Variants in TDO2 observed in about 807,000 individuals in gnomAD.
TDO2 encodes the protein tryptophan 2,3-dioxygenase, also known as tryptamin 2,3-dioxygenase.
In TDO2, 63 loss-of-function variants were observed where a neutral mutation model predicts 61.2. The ratio of observed to expected loss-of-function variants is 1.03; its 90% CI spans 0.84 to 1.27. The LOEUF (loss-of-function observed/expected upper bound fraction) is 1.27, where lower values mean the gene tolerates loss of function less well. Among genes scored for constraint, TDO2 ranks in the 50% most tolerant of loss-of-function variants. The probability of loss-of-function intolerance (pLI) is 0.00; values close to 1 mark genes in which losing one functional copy is unlikely to be tolerated. For missense variants in TDO2, 494 were observed against 469.5 expected, an observed-to-expected ratio of 1.05 and a Z score of -0.48; for synonymous variants, 183 against 164.0, an observed-to-expected ratio of 1.12 and a Z score of -0.89.
Position 155,913,417 on chromosome 4 carries a change from C to A in TDO2, c.727-906C>A, listed in dbSNP as rs186412732. 3.3e-3 allele frequency among the ~76,000 whole-genome samples: 496 copies of A among 152,222 alleles called. 3 individuals carry two copies. The highest frequency in any genetic ancestry group is 0.011 in the African/African-American group (476 of 41,542). The stretch of plus-strand genomic sequence containing the variant: ...CTGGGCTTGGAATGTTCTTCCCCAA[C>A]TAACTCCTTCCCACTCTGAAGATCT... On this transcript the variant is annotated intron_variant, in intron 7 of 11. Coordinates refer to ENST00000536354, the MANE Select transcript of TDO2 (RefSeq NM_005651.4).
chr4:155,916,302 G>A (rs1433647814), intron 9 of TDO2, among the ~76,000 whole-genome samples: 1 of 145,844 alleles, frequency 6.9e-6, no homozygotes, highest in Non-Finnish European at 1.5e-5. Context: ...CGAGTAGCTG[G>A]GACTACAGGC....
rs1742850509 is a variant in TDO2, at chr4:155,912,362, A to G, written c.726+758A>G. Among the ~76,000 whole-genome samples the G allele has an allele frequency of 2.6e-5, 4 of 152,194 alleles. No individual in the cohort carries two copies. The South Asian group carries it at 8.3e-4, about 32-fold the overall frequency. On this transcript the variant is annotated intron_variant, in intron 7 of 11. Transcript: ENST00000536354. ...GCAGAAGTCAGAATAGTTATCTCTCAGCTAATCCTGAGCTTACTTCAAGCT... is the reference window on the plus strand; with the variant it reads ...GCAGAAGTCAGAATAGTTATCTCTCGGCTAATCCTGAGCTTACTTCAAGCT...
intron 8 of TDO2, among the ~76,000 whole-genome samples, chr4:155,915,011 TC>T (rs1288358888): frequency 6.6e-6 from 1 of 152,152 alleles, no homozygotes; most frequent in Non-Finnish European, 1.5e-5. Context: ...TCTTCCTCCC[TC>T]CTTTGTGTGT....
In TDO2 at chr4:155,904,063, A is replaced by T; in HGVS notation, c.81A>T (p.Lys27Asn). 1 of 1,614,108 alleles carries T rather than the reference A, an allele frequency of 6.2e-7. No homozygotes were observed. The highest frequency in any genetic ancestry group is 8.5e-7 in the Non-Finnish European group (1 of 1,179,994). ...CCGTAGAAGGCAGCGAAGAAGACAA[A>T]TCACAAACTGGTGTGAATAGAGCCA... The part of the protein sequence containing the change: ...KLPVEGSEED[K>N]SQTGVNRASK... Residue 27 changes from lysine (K) to asparagine (N), a missense_variant, in exon 2 of 12, where the codon AAA becomes AAT. By Grantham distance (94) the Lys-to-Asn change is moderately conservative. Coordinates refer to ENST00000536354, the MANE Select transcript of TDO2 (RefSeq NM_005651.4).
intron 2 of TDO2, 75 bp from the exon 3 acceptor site, chr4:155,904,992 T>TCTTACTAAAGGAGC: frequency 1.0e-6 from 1 of 1,000,066 alleles, no homozygotes; most frequent in Non-Finnish European, 1.5e-6. Context: ...GTCATTATCA[T>TCTTACTAAAGGAGC]ATTCTACTTC....
chr4:155,911,037 T>C (rs1025239221), intron 6 of TDO2, among the ~76,000 whole-genome samples: 1 of 152,084 alleles, frequency 6.6e-6, no homozygotes, highest in African/African-American at 2.4e-5. Flanking sequence ...AATTTCAAAG[T>C]TGCTAAGTAT....
rs746705593 is a variant in TDO2 at position 155,904,072 on chromosome 4, T to C, written c.90T>C (p.Thr30=). The C allele has an allele frequency of 1.2e-6, 2 of 1,614,078 alleles. No homozygotes were observed. The highest frequency in any genetic ancestry group is 4.5e-5 in the East Asian group (2 of 44,862). The change falls in exon 2 of 12, where the codon ACT becomes ACC. Residue 30 remains threonine (T), a synonymous_variant. Coordinates refer to ENST00000536354, the MANE Select transcript of TDO2 (RefSeq NM_005651.4). ...VEGSEEDKSQ[T]GVNRASKGGL... Reference sequence around the variant, plus strand: ...GCAGCGAAGAAGACAAATCACAAACTGGTGTGAATAGAGCCAGCAAAGGAG... The same window carrying C: ...GCAGCGAAGAAGACAAATCACAAACCGGTGTGAATAGAGCCAGCAAAGGAG...
intron 6 of TDO2, among the ~76,000 whole-genome samples, 200 bp from the exon 7 acceptor site, chr4:155,911,297 A>G (rs541675505): frequency 1.3e-5 from 2 of 152,054 alleles, no homozygotes; most frequent in Admixed American, 6.5e-5. Flanking sequence ...CCATTGCCAT[A>G]AAAATTAAGA....
chr4:155,918,486 A>G (rs1021268909), intron 11 of TDO2, among the ~76,000 whole-genome samples: 2 of 152,184 alleles, frequency 1.3e-5, no homozygotes, highest in African/African-American at 2.4e-5. Context: ...ATGATATGTG[A>G]GGACACAAAG....
Position 155,911,493 on chromosome 4 carries a change from T to A in TDO2, c.619-4T>A. On this transcript the variant is annotated splice_region_variant and splice_polypyrimidine_tract_variant and intron_variant, in intron 6 of 11. Coordinates refer to ENST00000536354, the MANE Select transcript of TDO2 (RefSeq NM_005651.4). ...ACTCACTTAAAAAATAATGTTTATT[T>A]AAGGCATGGCTGGAAAGAACTCCAG... The A allele has an allele frequency of 6.2e-7, 1 of 1,602,924 alleles. No homozygotes were observed. The highest frequency in any genetic ancestry group is 1.1e-5 in the South Asian group (1 of 89,700).
At position 155,918,268 on chromosome 4, in the gene TDO2, G is replaced by T. The variant is rs769779615; in HGVS notation, c.1067+29G>T. On this transcript the variant is annotated intron_variant, in intron 11 of 11. Transcript: ENST00000536354. ...GGTGGGGAAATTCTCCTTTCTTCCT[G>T]GTGGCAGTCACCAACAATTTGTTTC... is the stretch of plus-strand genomic sequence containing the variant. 4.4e-6 allele frequency: 7 copies of T among 1,605,582 alleles called. No homozygotes were observed. In the African/African-American group the frequency reaches 9.4e-5, roughly 22 times the overall value.
intron 9 of TDO2, 83 bp from the exon 10 acceptor site, chr4:155,917,312 C>CA: frequency 8.7e-7 from 1 of 1,150,376 alleles, no homozygotes; most frequent in South Asian, 1.6e-5. Context: ...TTTCCAGGGC[C>CA]AACTGATTGT....
At position 155,919,927 on chromosome 4, in the gene TDO2, C is replaced by A. The variant is rs771641094; in HGVS notation, c.1158C>A (p.His386Gln). The A allele has an allele frequency of 6.2e-7, 1 of 1,613,710 alleles. No individual in the cohort carries two copies. Among genetic ancestry groups the A allele is most frequent in the East Asian group, 2.2e-5 (1 of 44,794 alleles). Residue 386 changes from histidine (H) to glutamine (Q), a missense_variant, in exon 12 of 12, where the codon CAC becomes CAA. Transcript: ENST00000536354. ...HWIPKMNPTIHKFLYTAEYCD... is the reference protein window; with the variant it reads ...HWIPKMNPTIQKFLYTAEYCD... ...TACCGAAGATGAACCCAACCATTCA[C>A]AAATTTCTATATACAGCAGAATACT...
intron 11 of TDO2, chr4:155,918,968 T>C (rs561382009): frequency 2.6e-5 from 4 of 152,350 alleles, no homozygotes; most frequent in African/African-American, 7.2e-5. Flanking sequence ...GGTTGGTTTC[T>C]GAAATACACA....
intron 7 of TDO2, among the ~76,000 whole-genome samples, chr4:155,912,810 C>T (rs922209911): frequency 2.6e-5 from 4 of 152,100 alleles, no homozygotes; most frequent in African/African-American, 9.7e-5. Flanking sequence ...CTTGATATTT[C>T]CTCCTGGTCC....
At chr4:155,914,933 T>G (rs545010168) in intron 8 of TDO2, among the ~76,000 whole-genome samples, 1 of 152,322 alleles carries the variant, frequency 6.6e-6, no homozygotes, top group South Asian at 2.1e-4. Context: ...AGTTTAGTTA[T>G]TTGGATTTAT....
chr4:155,916,763 A>C (rs1259565591), intron 9 of TDO2, among the ~76,000 whole-genome samples: 1 of 152,120 alleles, frequency 6.6e-6, no homozygotes, highest in African/African-American at 2.4e-5. Context: ...ACACTAGTAA[A>C]AAAATACCTA....
At chr4:155,904,206 T>C (rs1742678048) in intron 2 of TDO2, 83 bp downstream of exon 2, 1 of 1,021,712 alleles carries the variant, frequency 9.8e-7, no homozygotes, top group African/African-American at 1.6e-5. Context: ...ATTTTATTTC[T>C]TGGAATTAGG....
In TDO2 at chr4:155,909,146, G is replaced by C. The variant is rs1242408654; in HGVS notation, c.431+132G>C. ...AACATTTTGTCACTATATGGACTTA[G>C]GGGTCTTCGATCACAAAGCATTTGA... On this transcript the variant is annotated intron_variant, in intron 5 of 11. Coordinates refer to ENST00000536354, the MANE Select transcript of TDO2 (RefSeq NM_005651.4). The C allele has an allele frequency of 4.0e-6, 3 of 755,026 alleles. No individual in the cohort carries two copies. In the East Asian group the frequency reaches 9.7e-5, roughly 24 times the overall value. The allele number at this position is 755,026 out of a possible 1,614,324, so 46.8% of individuals were successfully genotyped here.
Sources: gnomAD v4.1 joint callset for allele counts (sites outside exome capture counted in the v4.1 genomes callset) on GRCh38, gnomAD v4.1.1 for gene constraint, MANE v1.5 for transcripts, NCBI Gene and HGNC (gene_info 2026-07-23, HGNC 2026-07-21) for gene names.